PCDHA3: variants seen among roughly 807,000 people sequenced by gnomAD.
The protein encoded by PCDHA3 is protocadherin alpha-3.
In PCDHA3, 41 loss-of-function variants were observed where a neutral mutation model predicts 62.2. The observed-to-expected ratio is 0.66, with a 90% CI of 0.51 to 0.86. The LOEUF (loss-of-function observed/expected upper bound fraction) is 0.86, where lower values mean the gene tolerates loss of function less well. Ranked by LOEUF, PCDHA3 falls within the 40% of genes least tolerant of loss-of-function variation. PCDHA3 has a pLI of 0.00. For synonymous variants in PCDHA3, 640 were observed against 555.4 expected (o/e 1.15, Z -2.14); for missense variants, 1,304 against 1,241.2 (o/e 1.05, Z -0.76).
intron 1 of PCDHA3, chr5:140,883,965 T>C: frequency 6.2e-7 from 1 of 1,613,128 alleles, no homozygotes; most frequent in Non-Finnish European, 8.5e-7. Flanking sequence ...CCGGCGCTGC[T>C]GACGCCCGGG....
chr5:140,835,652 G>A, intron 1 of PCDHA3: 1 of 1,613,954 alleles, frequency 6.2e-7, no homozygotes, highest in African/African-American at 1.3e-5. Flanking sequence ...CCTATGAGCT[G>A]GTGGTTACCG....
At chr5:140,975,940 G>A (rs562983011) in intron 1 of PCDHA3, among the ~76,000 whole-genome samples, 1 of 152,216 alleles carries the variant, frequency 6.6e-6, no homozygotes, top group Admixed American at 6.5e-5. Flanking sequence ...TGAAGCAATA[G>A]GACATATTAG....
intron 1 of PCDHA3, chr5:140,836,932 C>G: frequency 4.1e-6 from 2 of 485,222 alleles, no homozygotes; most frequent in Non-Finnish European, 3.5e-6. Context: ...ATGCGTAATA[C>G]TATAGATCAA....
chr5:140,835,862 G>C (rs1275632045), intron 1 of PCDHA3: 3 of 1,611,998 alleles, frequency 1.9e-6, no homozygotes, highest in East Asian at 4.5e-5. Context: ...TGTCCTACTC[G>C]CTGGTGGAGC....
intron 1 of PCDHA3, among the ~76,000 whole-genome samples, chr5:140,918,819 TG>T (rs2078870306): frequency 1.6e-5 from 1 of 61,992 alleles, no homozygotes; most frequent in Admixed American, 1.3e-4. Flanking sequence ...AACCAAAAAG[TG>T]GCCCCCTCCC....
chr5:141,009,908 A>T lies in PCDHA3; in HGVS notation c.2824A>T (p.Asn942Tyr). ...NKTQEKKEKGNSTTDNSDQ is the reference protein window; with the variant it reads ...NKTQEKKEKGYSTTDNSDQ ...GACCCAGGAGAAAAAAGAGAAAGGG[A>T]ACAGCACGACTGACAACAGTGACCA... Residue 942 changes from asparagine to tyrosine, a missense_variant, in exon 4 of 4, where the codon AAC (asparagine) becomes TAC (tyrosine). Physicochemically the swap from Asn to Tyr is moderately radical, Grantham distance 143 (BLOSUM62 -2). Transcript: ENST00000522353. 1 of 1,612,966 alleles carries T rather than the reference A, an allele frequency of 6.2e-7. No individual in the cohort carries two copies. The highest frequency in any genetic ancestry group is 1.1e-5 in the South Asian group (1 of 90,886).
chr5:140,908,256 A>G (rs192899359), intron 1 of PCDHA3, among the ~76,000 whole-genome samples: 9 of 152,248 alleles, frequency 5.9e-5, no homozygotes, highest in Non-Finnish European at 1.0e-4. Flanking sequence ...AACTGATCAT[A>G]GGGAACTCCC....
intron 1 of PCDHA3, among the ~76,000 whole-genome samples, chr5:140,917,003 A>C (rs2077823052): frequency 6.6e-6 from 1 of 151,818 alleles, no homozygotes; most frequent in Non-Finnish European, 1.5e-5. Flanking sequence ...CTGTTCCAAA[A>C]TCTCCCTTCA....
Position 140,850,531 on chromosome 5 carries a change from C to T in PCDHA3, c.2394+46940C>T, listed in dbSNP as rs2150488289. 32 of 1,598,158 alleles carry T rather than the reference C, an allele frequency of 2.0e-5. 1 individual carries two copies. The East Asian group carries it at 2.5e-4, about 12-fold the overall frequency. On this transcript the variant is annotated intron_variant, in intron 1 of 3. Coordinates refer to ENST00000522353, the MANE Select transcript of PCDHA3 (RefSeq NM_018906.3). ...GAGAGCGGCCAGGCGCCAAAGTCAT[C>T]GTCGCGGGCGTCAGTGGGTGCCACG...
chr5:140,982,559 A>G lies in PCDHA3; in HGVS notation c.2538A>G (p.Thr846=). 1 of 1,614,170 alleles carries G rather than the reference A, an allele frequency of 6.2e-7. No homozygotes were observed. The highest frequency in any genetic ancestry group is 8.5e-7 in the Non-Finnish European group (1 of 1,180,012). Residue 846 remains threonine, a synonymous_variant, in exon 3 of 4, where the codon ACA becomes ACG. Coordinates refer to ENST00000522353, the MANE Select transcript of PCDHA3 (RefSeq NM_018906.3). The part of the protein sequence containing the change: ...DQQWPTVSSA[T]PEPEAGEVSP... ...AGTGGCCAACAGTATCCAGTGCAAC[A>G]CCAGGTAAAGAGCTGGGGTCTCTCC... is the stretch of plus-strand genomic sequence containing the variant.
intron 1 of PCDHA3, chr5:140,812,839 T>G (rs2126642173): frequency 6.6e-6 from 1 of 152,366 alleles, no homozygotes; most frequent in East Asian, 1.9e-4. Flanking sequence ...TTGTTTATCT[T>G]AACATATTTT....
At chr5:140,823,926 C>T (rs2150130404) in intron 1 of PCDHA3, 84 of 1,613,920 alleles carry the variant, frequency 5.2e-5, no homozygotes, top group Non-Finnish European at 6.2e-5. Flanking sequence ...TGCTGCTGTA[C>T]ACCGCGCTGC....
chr5:140,906,611 C>T (rs2072787341), intron 1 of PCDHA3, among the ~76,000 whole-genome samples: 1 of 152,196 alleles, frequency 6.6e-6, no homozygotes, highest in Non-Finnish European at 1.5e-5. Flanking sequence ...ATTCTGTATT[C>T]CCTTTGCCTT....
At chr5:140,924,681 G>T (rs558083953) in intron 1 of PCDHA3, among the ~76,000 whole-genome samples, 1 of 152,180 alleles carries the variant, frequency 6.6e-6, no homozygotes, top group East Asian at 1.9e-4. Flanking sequence ...AATCACTTGA[G>T]GTCAGGAGTT....
chr5:140,928,068 CA>C, intron 1 of PCDHA3: 1 of 1,614,214 alleles, frequency 6.2e-7, no homozygotes, highest in South Asian at 1.1e-5. Context: ...CTTCCTTTGA[CA>C]ACTACTACAG....
At chr5:140,884,267 T>C in intron 1 of PCDHA3, 3 of 1,613,566 alleles carry the variant, frequency 1.9e-6, no homozygotes, top group South Asian at 1.1e-5. Context: ...AACGGTGCTG[T>C]TGTCGCTGGT....
chr5:140,907,648 G>T (rs2153502267), intron 1 of PCDHA3, among the ~76,000 whole-genome samples: 1 of 152,312 alleles, frequency 6.6e-6, no homozygotes, highest in East Asian at 1.9e-4. Flanking sequence ...TGGCAAATTG[G>T]GCACTCAGCA....
intron 1 of PCDHA3, chr5:140,884,401 G>T (rs781854362): frequency 3.1e-6 from 5 of 1,613,996 alleles, no homozygotes; most frequent in Non-Finnish European, 4.2e-6. Flanking sequence ...CCAGCCTGTT[G>T]GTGCTCACGT....
intron 1 of PCDHA3, among the ~76,000 whole-genome samples, chr5:140,819,465 G>A (rs930303928): frequency 6.6e-6 from 1 of 152,082 alleles, no homozygotes; most frequent in Admixed American, 6.5e-5. Context: ...AAGAACTTCT[G>A]TTTACACAAT....
Sources: allele counts gnomAD v4.1 joint callset (sites outside exome capture counted in the v4.1 genomes callset), GRCh38; gene constraint gnomAD v4.1.1; transcripts MANE v1.5; gene names NCBI Gene and HGNC (gene_info 2026-07-23, HGNC 2026-07-21).